The following EXOC6B variants were observed in gnomAD, a reference collection of about 807,000 sequenced individuals.
The protein encoded by EXOC6B is SEC15 homolog B.
EXOC6B carries 54 observed loss-of-function variants against 113.5 expected under a neutral mutation model. The ratio of observed to expected loss-of-function variants is 0.48; its 90% CI spans 0.38 to 0.60. The LOEUF (loss-of-function observed/expected upper bound fraction) is 0.60. EXOC6B is among the 20% of genes least tolerant of loss of function. EXOC6B has a pLI of 0.00. For synonymous variants in EXOC6B, 357 were observed against 339.0 expected (o/e 1.05, Z -0.58); for missense variants, 797 against 977.5 (o/e 0.82, Z 2.46).
At chr2:72,770,635 T>C (rs1683361232) in intron 1 of EXOC6B, among the ~76,000 whole-genome samples, 1 of 152,224 alleles carries the variant, frequency 6.6e-6, no homozygotes, top group Non-Finnish European at 1.5e-5. Context: ...TTAGAGCCTT[T>C]AGGATTTGGG....
At position 72,718,110 on chromosome 2, in the gene EXOC6B, A is replaced by G. The variant is rs1230007238; in HGVS notation, c.662T>C (p.Met221Thr). ...KHSDKIGETA[M>T]KQAQQQRNLD... ...CATAAACCCAAGACCTACTTGCTTC[A>G]TGGCAGTCTCTCCAATTTTGTCTGA... The change falls in exon 6 of 22, where the codon ATG (methionine) becomes ACG (threonine). Residue 221 changes from methionine (M) to threonine (T), a missense_variant. By Grantham distance (81) the Met-to-Thr change is moderately conservative. Coordinates refer to ENST00000272427, the MANE Select transcript of EXOC6B (RefSeq NM_015189.3). 1.9e-6 allele frequency: 3 copies of G among 1,608,392 alleles called. No individual in the cohort carries two copies. Among genetic ancestry groups the G allele is most frequent in the Non-Finnish European group, 2.5e-6 (3 of 1,176,908 alleles).
In EXOC6B at chr2:72,226,301, CTTG is replaced by C. The variant is rs928926720; in HGVS notation, c.2197-42117_2197-42115del. 3.3e-5 allele frequency among the ~76,000 whole-genome samples: 5 copies of C among 152,270 alleles called. No individual in the cohort carries two copies. In the East Asian group the frequency reaches 7.7e-4, roughly 24 times the overall value. ...AATAGTAATATATCATTGTTAATTT[CTTG>C]TTGTGACAAATGTTTCACTGTAATA... On this transcript the variant is annotated intron_variant, in intron 20 of 21. Coordinates refer to ENST00000272427, the MANE Select transcript of EXOC6B (RefSeq NM_015189.3).
At chr2:72,495,357 G>C (rs1451736860) in intron 15 of EXOC6B, 73 bp downstream of exon 15, 7 of 849,326 alleles carry the variant, frequency 8.2e-6, no homozygotes, top group Non-Finnish European at 1.3e-5. Context: ...ACTATCAAAA[G>C]TTTTTCAGAA....
intron 18 of EXOC6B, among the ~76,000 whole-genome samples, chr2:72,397,617 C>CAAAAAAAAAAAAAAAATAAAATAAAATAA (rs1229846045): frequency 1.1e-5 from 1 of 93,412 alleles, no homozygotes; most frequent in African/African-American, 6.8e-5. Flanking sequence ...AACCTCATCT[C>CAAAAAAAAAAAAAAAATAAAATAAAATAA]AAAAAAAAAA....
Position 72,671,790 on chromosome 2 carries a change from A to AGAAAGAAAGAAAGAAAGAAG in EXOC6B, c.669+46312_669+46313insCTTCTTTCTTTCTTTCTTTC, listed in dbSNP as rs1558903051. On this transcript the variant is annotated intron_variant, in intron 6 of 21. Coordinates refer to ENST00000272427, the MANE Select transcript of EXOC6B (RefSeq NM_015189.3). ...AAGAAAGAAAGAAAGAAAGAAAGAAAGAAAGAAAGAAAGAAAGAAAGAAAG... is the reference window on the plus strand; with the variant it reads ...AAGAAAGAAAGAAAGAAAGAAAGAAAGAAAGAAAGAAAGAAAGAAGGAAAGAAAGAAAGAAAGAAAGAAAG... 8.4e-5 allele frequency among the ~76,000 whole-genome samples: 9 copies of AGAAAGAAAGAAAGAAAGAAG among 107,508 alleles called. 1 individual carries two copies. The highest frequency in any genetic ancestry group is 4.5e-4 in the African/African-American group (9 of 20,044). The allele number at this position is 107,508 out of a possible 152,430, so 70.5% of individuals were successfully genotyped here.
intron 20 of EXOC6B, among the ~76,000 whole-genome samples, chr2:72,306,856 A>T (rs1214088593): frequency 1.3e-5 from 2 of 152,210 alleles, no homozygotes; most frequent in Non-Finnish European, 2.9e-5. Context: ...CCTAATTACT[A>T]GTCATACATT....
chr2:72,575,621 T>C lies in EXOC6B; in HGVS notation c.717A>G (p.Arg239=). Residue 239 remains arginine, a synonymous_variant, in exon 7 of 22, where the codon AGA becomes AGG. Transcript: ENST00000272427. ...TCTTAGATTTCCTCTTGCTACCTAT[T>C]CTGGGTTGTTGCAAGACGATGTTAT... The part of the protein sequence containing the change: ...NLDNIVLQQP[R]IGSKRKSKKD... The C allele has an allele frequency of 6.2e-7, 1 of 1,608,514 alleles. No homozygotes were observed. The highest frequency in any genetic ancestry group is 8.5e-7 in the Non-Finnish European group (1 of 1,177,804).
chr2:72,385,306 G>A (rs544092608), intron 18 of EXOC6B, among the ~76,000 whole-genome samples: 8 of 151,868 alleles, frequency 5.3e-5, no homozygotes, highest in African/African-American at 1.4e-4. Flanking sequence ...ACATCCACAC[G>A]CATAAGAATG....
intron 18 of EXOC6B, among the ~76,000 whole-genome samples, chr2:72,410,392 G>A (rs887379180): frequency 6.6e-6 from 1 of 152,158 alleles, no homozygotes. Flanking sequence ...AATGCTTGTA[G>A]TTATAACTGA....
chr2:72,553,044 G>GA (rs1015557961), intron 8 of EXOC6B, among the ~76,000 whole-genome samples: 16 of 151,312 alleles, frequency 1.1e-4, no homozygotes, highest in South Asian at 4.2e-4. Context: ...TGAGATATAG[G>GA]AAAAAAAAGT....
At chr2:72,435,605 T>C (rs1292128188) in intron 18 of EXOC6B, among the ~76,000 whole-genome samples, 5 of 152,222 alleles carry the variant, frequency 3.3e-5, no homozygotes, top group African/African-American at 9.6e-5. Flanking sequence ...TGGGTGAATA[T>C]ATATTTAGGA....
chr2:72,406,546 A>C (rs1040602358), intron 18 of EXOC6B, among the ~76,000 whole-genome samples: 7 of 152,340 alleles, frequency 4.6e-5, no homozygotes, highest in South Asian at 2.1e-4. Flanking sequence ...AGGATTAAGA[A>C]ACTCACTTAA....
At chr2:72,201,097 T>TAC (rs1230687109) in intron 20 of EXOC6B, among the ~76,000 whole-genome samples, 1 of 151,850 alleles carries the variant, frequency 6.6e-6, no homozygotes, top group African/African-American at 2.4e-5. Flanking sequence ...TATATATATA[T>TAC]ATACACACAC....
chr2:72,471,982 T>C (rs1698442638), intron 17 of EXOC6B, among the ~76,000 whole-genome samples: 1 of 152,216 alleles, frequency 6.6e-6, no homozygotes, highest in South Asian at 2.1e-4. Context: ...AAGATGACCA[T>C]ATGGTTTTTA....
chr2:72,366,567 T>C (rs1690640225), intron 19 of EXOC6B, among the ~76,000 whole-genome samples: 1 of 151,970 alleles, frequency 6.6e-6, no homozygotes, highest in Non-Finnish European at 1.5e-5. Context: ...TAATAAAAGG[T>C]ATAAACTTGC....
chr2:72,509,064 T>A (rs1700761214), intron 11 of EXOC6B, among the ~76,000 whole-genome samples: 1 of 152,128 alleles, frequency 6.6e-6, no homozygotes, highest in Non-Finnish European at 1.5e-5. Flanking sequence ...TGGGAGGTAA[T>A]TAACATCAAA....
intron 6 of EXOC6B, among the ~76,000 whole-genome samples, chr2:72,645,591 CT>C (rs1673644629): frequency 6.6e-6 from 1 of 152,186 alleles, no homozygotes; most frequent in Non-Finnish European, 1.5e-5. Flanking sequence ...AAAAAACTGT[CT>C]TTCAGACCAC....
rs530229442 is a variant in EXOC6B at position 72,271,624 on chromosome 2, A to C, written c.2196+63323T>G. On this transcript the variant is annotated intron_variant, in intron 20 of 21. Coordinates refer to ENST00000272427, the MANE Select transcript of EXOC6B (RefSeq NM_015189.3). ...CCTTTTGATTTTAGGGAAAAAAAAAACCCTTGTTATGTTGGTCCTTATATA... is the reference window on the plus strand; with the variant it reads ...CCTTTTGATTTTAGGGAAAAAAAAACCCCTTGTTATGTTGGTCCTTATATA... Among the ~76,000 whole-genome samples the C allele has an allele frequency of 1.1e-3, 161 of 151,964 alleles. 1 individual carries two copies. The highest frequency in any genetic ancestry group is 1.5e-3 in the Non-Finnish European group (105 of 67,964).
chr2:72,360,879 T>C (rs1572968056), intron 19 of EXOC6B, among the ~76,000 whole-genome samples: 2 of 139,026 alleles, frequency 1.4e-5, no homozygotes, highest in Non-Finnish European at 1.5e-5. Flanking sequence ...TGCAGTGAGC[T>C]GAGATCACAC....
Sources: allele counts gnomAD v4.1 joint callset (sites outside exome capture counted in the v4.1 genomes callset), GRCh38; gene constraint gnomAD v4.1.1; transcripts MANE v1.5; gene names NCBI Gene and HGNC (gene_info 2026-07-23, HGNC 2026-07-21).